The following CAST variants were observed in gnomAD, a reference collection of about 807,000 sequenced individuals.
CAST encodes calpastatin, also known as MIR583 host.
Under a neutral mutation model 119.6 loss-of-function variants are expected in CAST, and 76 were observed. That is an observed-to-expected ratio of 0.64 (90% CI 0.53 to 0.77). The LOEUF is 0.77. Ranked by LOEUF, CAST falls within the 30% of genes least tolerant of loss-of-function variation. The pLI is 0.00. For synonymous variants in CAST, 319 were observed against 331.6 expected, an observed-to-expected ratio of 0.96 and a Z score of 0.41; for missense variants, 953 against 946.5, an observed-to-expected ratio of 1.01 and a Z score of -0.09.
the CAST span, among the ~76,000 whole-genome samples, chr5:96,240,605 C>T: frequency 6.6e-6 from 1 of 151,918 alleles, no homozygotes; most frequent in Non-Finnish European, 1.5e-5. Context: ...GATCTGTCAC[C>T]CAGGCTGGAG....
At chr5:96,140,634 T>G in the CAST span, among the ~76,000 whole-genome samples, 6 of 152,320 alleles carry the variant, frequency 3.9e-5, no homozygotes, top group East Asian at 1.2e-3. Context: ...AATTTCTTAC[T>G]TATAAAATGG....
the CAST span, among the ~76,000 whole-genome samples, chr5:96,415,709 C>A: frequency 6.6e-6 from 1 of 152,198 alleles, no homozygotes; most frequent in African/African-American, 2.4e-5. Flanking sequence ...TTTACCTCCT[C>A]CTTCTGTTTC....
chr5:96,155,931 A>G, the CAST span, among the ~76,000 whole-genome samples: 2 of 152,192 alleles, frequency 1.3e-5, no homozygotes, highest in African/African-American at 2.4e-5. Flanking sequence ...AGAGAGTCCT[A>G]AAGGGAGGGG....
At chr5:96,414,714 C>G in the CAST span, among the ~76,000 whole-genome samples, 1 of 152,186 alleles carries the variant, frequency 6.6e-6, no homozygotes, top group South Asian at 2.1e-4. Flanking sequence ...ATGAAGGGAT[C>G]AGATGATTCT....
chr5:96,317,514 C>T, the CAST span, among the ~76,000 whole-genome samples: 1 of 149,938 alleles, frequency 6.7e-6, no homozygotes, highest in South Asian at 2.1e-4. Flanking sequence ...ATGGTGTCAT[C>T]CTATTTTAGA....
At chr5:96,442,412 T>C in the CAST span, among the ~76,000 whole-genome samples, 1 of 152,252 alleles carries the variant, frequency 6.6e-6, no homozygotes, top group African/African-American at 2.4e-5. Flanking sequence ...TTGCTTTGCA[T>C]TGAAGAGAAC....
At position 96,534,791 on chromosome 5, in the gene CAST, A is replaced by AAG. The variant is rs1335911992; in HGVS notation, c.60+4913_60+4914dup. On this transcript the variant is annotated intron_variant, in intron 1 of 11. Transcript: ENST00000505143. ...AAAGAAAGAAAGAAAGAAAGAAAGA[A>AAG]AGAAAGAAAGAAGAAAGAAAGAAAG... Among the ~76,000 whole-genome samples, 29 of 127,748 alleles carry AAG rather than the reference A, an allele frequency of 2.3e-4. 2 individuals are homozygous for AAG. In the South Asian group the frequency reaches 2.6e-3, roughly 11 times the overall value. The allele number at this position is 127,748 out of a possible 152,430, so 83.8% of individuals were successfully genotyped here.
the CAST span, among the ~76,000 whole-genome samples, chr5:96,112,922 T>C: frequency 6.6e-6 from 1 of 152,170 alleles, no homozygotes; most frequent in African/African-American, 2.4e-5. Flanking sequence ...AGAGATAATA[T>C]CATATCTCTT....
chr5:95,995,167 C>T, the CAST span, among the ~76,000 whole-genome samples: 2 of 152,034 alleles, frequency 1.3e-5, no homozygotes, highest in East Asian at 1.9e-4. Flanking sequence ...TGGAGAAGGA[C>T]TGAGGTATGA....
At chr5:96,020,561 A>T in the CAST span, among the ~76,000 whole-genome samples, 1 of 152,132 alleles carries the variant, frequency 6.6e-6, no homozygotes, top group Admixed American at 6.5e-5. Flanking sequence ...AGATTCTCAC[A>T]GGAGCACAAA....
chr5:96,235,822 C>T, the CAST span, among the ~76,000 whole-genome samples: 3 of 152,084 alleles, frequency 2.0e-5, no homozygotes, highest in African/African-American at 7.2e-5. Flanking sequence ...ACTCAGGAGC[C>T]GGAGCCTATT....
At chr5:96,259,650 A>G in the CAST span, among the ~76,000 whole-genome samples, 4 of 152,128 alleles carry the variant, frequency 2.6e-5, no homozygotes, top group Non-Finnish European at 5.9e-5. Flanking sequence ...GCTGCTACAT[A>G]CAGCACTTAG....
the CAST span, among the ~76,000 whole-genome samples, chr5:96,207,870 G>A: frequency 6.6e-6 from 1 of 152,000 alleles, no homozygotes; most frequent in East Asian, 1.9e-4. Flanking sequence ...AAGTAGAAAT[G>A]GTACCAGCTC....
chr5:96,648,880 G>A (rs1748057596), intron 1 of CAST, among the ~76,000 whole-genome samples: 1 of 152,108 alleles, frequency 6.6e-6, no homozygotes, highest in African/African-American at 2.4e-5. Context: ...CCTGACTCCA[G>A]CTAATAGGTC....
the CAST span, among the ~76,000 whole-genome samples, chr5:96,241,750 G>A: frequency 2.0e-5 from 3 of 149,132 alleles, 1 homozygote; most frequent in South Asian, 4.3e-4. Flanking sequence ...TTTAATGATT[G>A]CCATTCTAAC....
At chr5:96,178,459 A>C in the CAST span, among the ~76,000 whole-genome samples, 3 of 152,202 alleles carry the variant, frequency 2.0e-5, no homozygotes, top group Admixed American at 2.0e-4. Context: ...TATTTTAAAA[A>C]ATACTCAGTT....
At chr5:96,064,618 G>C in the CAST span, among the ~76,000 whole-genome samples, 1 of 152,110 alleles carries the variant, frequency 6.6e-6, no homozygotes, top group South Asian at 2.1e-4. Context: ...TCTTGGTGCT[G>C]TCTGTCCAGT....
the CAST span, among the ~76,000 whole-genome samples, chr5:96,443,020 T>C: frequency 6.6e-6 from 1 of 152,204 alleles, no homozygotes; most frequent in Non-Finnish European, 1.5e-5. Flanking sequence ...TTTTCCACTG[T>C]TAGGGTAGCT....
At chr5:96,526,744 C>T (rs1417349562), upstream of CAST, among the ~76,000 whole-genome samples, 1 of 152,186 alleles carries the variant, frequency 6.6e-6, no homozygotes, top group African/African-American at 2.4e-5. Context: ...TGCCTTAACA[C>T]TTGTAAGCCA....
Sources: gnomAD v4.1 joint callset for allele counts (sites outside exome capture counted in the v4.1 genomes callset) on GRCh38, gnomAD v4.1.1 for gene constraint, MANE v1.5 for transcripts, NCBI Gene and HGNC (gene_info 2026-07-23, HGNC 2026-07-21) for gene names.